RPS6KA3: variants seen among roughly 807,000 people sequenced by gnomAD.
RPS6KA3 encodes the protein ribosomal protein S6 kinase alpha-3.
RPS6KA3 carries 4 observed loss-of-function variants against 67.2 expected under a neutral mutation model. That is an observed-to-expected ratio of 0.06 (90% CI 0.03 to 0.14). The LOEUF (loss-of-function observed/expected upper bound fraction) is 0.14, where lower values mean the gene tolerates loss of function less well. Ranked by LOEUF, RPS6KA3 falls within the 10% of genes least tolerant of loss-of-function variation. RPS6KA3 has a pLI of 1.00. For missense variants in RPS6KA3, 204 were observed against 559.0 expected, an observed-to-expected ratio of 0.36 and a Z score of 6.40; for synonymous variants, 182 against 183.7, an observed-to-expected ratio of 0.99 and a Z score of 0.07.
At chrX:20,236,752 T>C (rs1017398586) in intron 1 of RPS6KA3, among the ~76,000 whole-genome samples, 2 of 111,784 alleles carry the variant, frequency 1.8e-5, no homozygotes, top group Non-Finnish European at 3.8e-5. Context: ...AAAATCTTTA[T>C]TTTCCTAAGG....
At chrX:20,209,905 A>C (rs1016282704) in intron 2 of RPS6KA3, among the ~76,000 whole-genome samples, 1 of 112,415 alleles carries the variant, frequency 8.9e-6, no homozygotes, top group African/African-American at 3.2e-5. Context: ...TTCTAACCTC[A>C]ATGTGGCTGT....
rs998908697 is a variant in RPS6KA3 at position 20,266,895 on chromosome X, G to A, written c.-263C>T. 5 of 558,644 alleles carry A rather than the reference G, an allele frequency of 9.0e-6. No individual in the cohort carries two copies. The highest frequency in any genetic ancestry group is 1.1e-5 in the Non-Finnish European group (5 of 461,227). 46.0% of individuals were successfully genotyped at this position (558,644 alleles called of 1,213,427 possible). On this transcript the variant is annotated 5_prime_UTR_variant, in exon 1 of 22. Coordinates refer to ENST00000379565, the MANE Select transcript of RPS6KA3 (RefSeq NM_004586.3). ...GCCTCGCGCCTCCGCTGGGCACCGG[G>A]TCTCGCCCCTTTCTTCCTCTCCTCC...
chrX:20,210,884 C>A lies in RPS6KA3; in HGVS notation c.127-1480G>T, dbSNP rs181711790. On this transcript the variant is annotated intron_variant, in intron 2 of 21. Transcript: ENST00000379565. ...CGCTACCTCTTTCCTCTAAATAAGA[C>A]CAAGGTACAAGGGTTTCAGACACCC... is the stretch of plus-strand genomic sequence containing the variant. Among the ~76,000 whole-genome samples, 102 of 110,420 alleles carry A rather than the reference C, an allele frequency of 9.2e-4. 1 individual carries two copies. The highest frequency in any genetic ancestry group is 3.1e-3 in the African/African-American group (93 of 30,388).
chrX:20,202,329 G>A (rs985848030), intron 4 of RPS6KA3, among the ~76,000 whole-genome samples: 3 of 110,362 alleles, frequency 2.7e-5, no homozygotes, highest in African/African-American at 9.9e-5. Flanking sequence ...CTGTATGCCT[G>A]TTTTGTCATA....
At chrX:20,208,964 C>A (rs367590243) in intron 3 of RPS6KA3, among the ~76,000 whole-genome samples, 4 of 110,772 alleles carry the variant, frequency 3.6e-5, no homozygotes, top group East Asian at 5.6e-4. Context: ...CACCTTCCAA[C>A]CCTACCCAAG....
intron 2 of RPS6KA3, among the ~76,000 whole-genome samples, chrX:20,234,432 G>A (rs1170732429): frequency 1.8e-5 from 2 of 111,624 alleles, no homozygotes; most frequent in African/African-American, 3.3e-5. Context: ...CCAAGATCGC[G>A]CCATTGCACT....
rs190592469 is a variant in RPS6KA3 at position 20,202,181 on chromosome X, C to A, written c.325+1841G>T. On this transcript the variant is annotated intron_variant, in intron 4 of 21. Coordinates refer to ENST00000379565, the MANE Select transcript of RPS6KA3 (RefSeq NM_004586.3). ...TATTTTTAGTAGAGACGGGGTTTTG[C>A]CATGTTGGGCATGCTGGTCTCGAAC... Among the ~76,000 whole-genome samples the A allele has an allele frequency of 3.4e-3, 370 of 108,578 alleles. 10 individuals are homozygous for A. The highest frequency in any genetic ancestry group is 0.033 in the Admixed American group (332 of 10,066). The allele number at this position is 108,578 out of a possible 115,157, so 94.3% of individuals were successfully genotyped here. A position where few individuals can be genotyped will look rare whatever the true frequency, so the allele number is the denominator to read the frequency against.
intron 19 of RPS6KA3, 126 bp from the exon 20 acceptor site, chrX:20,161,887 A>G (rs987830066): frequency 6.2e-5 from 10 of 161,050 alleles, no homozygotes; most frequent in Non-Finnish European, 1.1e-4. Context: ...AAAATCAACA[A>G]AATGAAGCTC....
chrX:20,210,232 G>T (rs1158105570), intron 2 of RPS6KA3, among the ~76,000 whole-genome samples: 1 of 111,870 alleles, frequency 8.9e-6, no homozygotes, highest in East Asian at 2.8e-4. Context: ...AGCAGATTAG[G>T]TTATCTTATT....
intron 10 of RPS6KA3, among the ~76,000 whole-genome samples, chrX:20,183,233 G>A (rs966613617): frequency 1.8e-5 from 2 of 110,244 alleles, no homozygotes; most frequent in Non-Finnish European, 3.8e-5. Context: ...TTTGAGACAC[G>A]ATCTTGCTCT....
chrX:20,264,513 T>TTG (rs902544861), intron 1 of RPS6KA3, among the ~76,000 whole-genome samples: 1 of 112,270 alleles, frequency 8.9e-6, no homozygotes, highest in African/African-American at 3.2e-5. Flanking sequence ...TTTATCATCT[T>TTG]TGTACCTTTT....
chrX:20,245,401 T>C (rs1402156021), intron 1 of RPS6KA3, among the ~76,000 whole-genome samples: 2 of 112,205 alleles, frequency 1.8e-5, no homozygotes, highest in African/African-American at 6.5e-5. Flanking sequence ...TACCTGTCAA[T>C]GGTGCTTTTG....
intron 2 of RPS6KA3, among the ~76,000 whole-genome samples, chrX:20,233,806 C>T (rs893205851): frequency 2.7e-5 from 3 of 111,699 alleles, no homozygotes; most frequent in Non-Finnish European, 5.6e-5. Context: ...TCTATATGTA[C>T]TGTCATACAA....
chrX:20,176,571 T>C, intron 11 of RPS6KA3, 73 bp from the exon 12 acceptor site: 1 of 631,679 alleles, frequency 1.6e-6, no homozygotes, highest in East Asian at 3.5e-5. Flanking sequence ...TTGTTTTCAA[T>C]ACTTGTCTAA....
intron 2 of RPS6KA3, among the ~76,000 whole-genome samples, chrX:20,232,331 T>C (rs915721554): frequency 4.5e-5 from 5 of 112,110 alleles, no homozygotes; most frequent in South Asian, 3.7e-4. Context: ...TCCCAGCACT[T>C]TGGGAGGCCG....
At chrX:20,254,355 A>G (rs1185857091) in intron 1 of RPS6KA3, among the ~76,000 whole-genome samples, 1 of 112,037 alleles carries the variant, frequency 8.9e-6, no homozygotes, top group Non-Finnish European at 1.9e-5. Flanking sequence ...TCACTGCCCC[A>G]ATCTTTGTTT....
chrX:20,236,052 G>A (rs1014999708), intron 1 of RPS6KA3, among the ~76,000 whole-genome samples: 4 of 111,010 alleles, frequency 3.6e-5, no homozygotes, highest in African/African-American at 9.8e-5. Context: ...TGAAAAAGCA[G>A]TCTACAAAAC....
chrX:20,201,995 T>C (rs1235788030), intron 4 of RPS6KA3, among the ~76,000 whole-genome samples: 1 of 103,896 alleles, frequency 9.6e-6, no homozygotes, highest in Non-Finnish European at 2.0e-5. Flanking sequence ...TTTTTTTTTT[T>C]TGAGACGGAG....
chrX:20,156,491 C>T (rs1323883897), intron 20 of RPS6KA3, among the ~76,000 whole-genome samples: 2 of 111,067 alleles, frequency 1.8e-5, no homozygotes, highest in Non-Finnish European at 3.8e-5. Context: ...TTTAAGTACT[C>T]TGGCTCTTTT....
Sources: gnomAD v4.1 joint callset for allele counts (sites outside exome capture counted in the v4.1 genomes callset) on GRCh38, gnomAD v4.1.1 for gene constraint, MANE v1.5 for transcripts, NCBI Gene and HGNC (gene_info 2026-07-23, HGNC 2026-07-21) for gene names.